Variants in SHC4 observed in about 807,000 individuals in gnomAD.
SHC4 encodes SHC adaptor protein 4, also known as SHC-transforming protein 4.
SHC4 carries 41 observed loss-of-function variants against 69.4 expected under a neutral mutation model. The observed-to-expected ratio is 0.59, with a 90% CI of 0.46 to 0.77. The LOEUF is 0.77. Ranked by LOEUF, SHC4 falls within the 30% of genes least tolerant of loss-of-function variation. The pLI, the probability that SHC4 is intolerant of heterozygous loss-of-function variation, is 0.00. For synonymous variants in SHC4, 318 were observed against 299.3 expected (o/e 1.06, Z -0.64); for missense variants, 777 against 783.8 (o/e 0.99, Z 0.10).
At chr15:48,953,919 A>G (rs1901403946) in intron 1 of SHC4, among the ~76,000 whole-genome samples, 1 of 152,214 alleles carries the variant, frequency 6.6e-6, no homozygotes, top group African/African-American at 2.4e-5. Context: ...AGTGGTGTGA[A>G]CTATAATTTT....
At chr15:48,946,744 T>C (rs1248390512) in intron 1 of SHC4, 1 of 205,964 alleles carries the variant, frequency 4.9e-6, no homozygotes, top group African/African-American at 2.4e-5. Flanking sequence ...CTAGGCACAA[T>C]GATATGGTAC....
rs777762864 is a variant in SHC4, at chr15:48,856,082, ATCT to A, written c.1110_1112del (p.Glu370del). ...CTGGAATTTCATTGTAATATTCATG[ATCT>A]TCTCTCTCCTCGGCATGGCTATCAA... On this transcript the variant is annotated inframe_deletion, in exon 8 of 12. Coordinates refer to ENST00000332408, the MANE Select transcript of SHC4 (RefSeq NM_203349.4). 5.0e-6 allele frequency: 8 copies of A among 1,613,692 alleles called. No homozygotes were observed. Among genetic ancestry groups the A allele is most frequent in the South Asian group, 4.4e-5 (4 of 91,044 alleles).
chr15:48,950,584 A>C (rs918154109), intron 1 of SHC4, among the ~76,000 whole-genome samples: 2 of 152,214 alleles, frequency 1.3e-5, no homozygotes, highest in East Asian at 3.8e-4. Context: ...AAAATGGTGC[A>C]TACTAGAGCC....
intron 8 of SHC4, among the ~76,000 whole-genome samples, chr15:48,854,577 T>A (rs2140981777): frequency 6.6e-6 from 1 of 152,294 alleles, no homozygotes; most frequent in South Asian, 2.1e-4. Context: ...TAGATGCCCA[T>A]CAATGGTGGA....
At chr15:48,889,671 C>A (rs1900097412) in intron 3 of SHC4, among the ~76,000 whole-genome samples, 1 of 152,100 alleles carries the variant, frequency 6.6e-6, no homozygotes, top group Non-Finnish European at 1.5e-5. Flanking sequence ...AGTGAAACCC[C>A]GTCTCTACTA....
At chr15:48,850,705 T>A (rs1201857552) in intron 9 of SHC4, among the ~76,000 whole-genome samples, 1 of 152,244 alleles carries the variant, frequency 6.6e-6, no homozygotes, top group Non-Finnish European at 1.5e-5. Context: ...ATAAAACATT[T>A]ACTACTCTGG....
intron 1 of SHC4, among the ~76,000 whole-genome samples, chr15:48,962,030 C>T (rs971074177): frequency 6.6e-6 from 1 of 152,200 alleles, no homozygotes; most frequent in Admixed American, 6.5e-5. Flanking sequence ...CTGTATTCAT[C>T]CAAAATACAA....
At chr15:48,853,113 C>A (rs1363766357) in intron 8 of SHC4, among the ~76,000 whole-genome samples, 2 of 151,874 alleles carry the variant, frequency 1.3e-5, no homozygotes, top group Non-Finnish European at 2.9e-5. Context: ...GCTCCTGGAA[C>A]TGATAAACTT....
At chr15:48,865,675 C>T (rs536633107) in intron 6 of SHC4, among the ~76,000 whole-genome samples, 31 of 152,320 alleles carry the variant, frequency 2.0e-4, no homozygotes, top group African/African-American at 7.0e-4. Flanking sequence ...TTCCTATACA[C>T]AGGCTGATGG....
intron 10 of SHC4, among the ~76,000 whole-genome samples, chr15:48,837,704 T>G (rs1486243254): frequency 2.0e-5 from 3 of 152,144 alleles, no homozygotes; most frequent in Non-Finnish European, 4.4e-5. Context: ...TTATAGAAGA[T>G]AGTAATCATA....
In SHC4 at chr15:48,962,836, G is replaced by T; in HGVS notation, c.180C>A (p.His60Gln). ...VGNKGSPQPPHPALAPHLPTE... is the reference protein window; with the variant it reads ...VGNKGSPQPPQPALAPHLPTE... The stretch of plus-strand genomic sequence containing the variant: ...TCGGCAGGTGAGGTGCCAGGGCGGG[G>T]TGGGGAGGCTGCGGCGAGCCCTTGT... Residue 60 changes from histidine (H) to glutamine (Q), a missense_variant, in exon 1 of 12, where the codon CAC becomes CAA. His to Gln is a conservative substitution (Grantham distance 24, BLOSUM62 0). Transcript: ENST00000332408. 4 of 1,612,858 alleles carry T rather than the reference G, an allele frequency of 2.5e-6. No homozygotes were observed. Among genetic ancestry groups the T allele is most frequent in the Non-Finnish European group, 3.4e-6 (4 of 1,180,010 alleles).
chr15:48,878,048 G>T, intron 4 of SHC4: 2 of 1,215,548 alleles, frequency 1.6e-6, no homozygotes, highest in Admixed American at 2.5e-5. Context: ...AGTAGGAGGC[G>T]GTACCTGAGG....
At chr15:48,877,103 A>G (rs1195933664) in intron 4 of SHC4, 2 of 152,562 alleles carry the variant, frequency 1.3e-5, no homozygotes, top group African/African-American at 4.8e-5. Context: ...TGAGATTGCC[A>G]CAAAAGTACT....
rs1335549148 is a variant in SHC4, at chr15:48,962,819, T to G, written c.197A>C (p.His66Pro). 1 of 1,610,604 alleles carries G rather than the reference T, an allele frequency of 6.2e-7. No individual in the cohort carries two copies. Among genetic ancestry groups the G allele is most frequent in the East Asian group, 2.2e-5 (1 of 44,770 alleles). Residue 66 changes from histidine (H) to proline (P), a missense_variant, in exon 1 of 12, where the codon CAC becomes CCC. Physicochemically the swap from His to Pro is moderately conservative, Grantham distance 77 (BLOSUM62 -2). Coordinates refer to ENST00000332408, the MANE Select transcript of SHC4 (RefSeq NM_203349.4). ...CAAGGTGGCATCTTCAGTCGGCAGGTGAGGTGCCAGGGCGGGGTGGGGAGG... is the reference window on the plus strand; with the variant it reads ...CAAGGTGGCATCTTCAGTCGGCAGGGGAGGTGCCAGGGCGGGGTGGGGAGG... Reference protein sequence around the residue: ...PQPPHPALAPHLPTEDATLPS... With the variant: ...PQPPHPALAPPLPTEDATLPS...
At chr15:48,935,696 C>A (rs1901056617) in intron 1 of SHC4, among the ~76,000 whole-genome samples, 1 of 151,972 alleles carries the variant, frequency 6.6e-6, no homozygotes, top group Admixed American at 6.6e-5. Context: ...CAAATGAAAA[C>A]CTGGGCAGGG....
At chr15:48,863,480 A>AAATT (rs10695713) in intron 6 of SHC4, among the ~76,000 whole-genome samples, 130,273 of 151,814 alleles carry the variant, frequency 0.86, 56,033 homozygotes, top group East Asian at 1. Flanking sequence ...TATGAATACT[A>AAATT]AATTTTGTCT....
rs765451440 is a variant in SHC4 at position 48,962,770 on chromosome 15, TGGGGTG to T, written c.240_245del (p.Thr81_Pro82del). 6.8e-6 allele frequency: 11 copies of T among 1,609,150 alleles called. No individual in the cohort carries two copies. In the Admixed American group the frequency reaches 8.4e-5, roughly 12 times the overall value. ...CCATGCGGGGGATCAAGGTGCACAG[TGGGGTG>T]GGGCTCTCCTGCGACGGCAAGGTGG... On this transcript the variant is annotated inframe_deletion, in exon 1 of 12. Transcript: ENST00000332408.
intron 11 of SHC4, among the ~76,000 whole-genome samples, chr15:48,826,608 A>G (rs944864562): frequency 2.0e-5 from 3 of 152,180 alleles, no homozygotes; most frequent in Non-Finnish European, 1.5e-5. Context: ...AGTTAGGAAA[A>G]TGGTAGGCAC....
chr15:48,866,088 T>G (rs976784983), intron 6 of SHC4, among the ~76,000 whole-genome samples: 1 of 152,224 alleles, frequency 6.6e-6, no homozygotes, highest in Non-Finnish European at 1.5e-5. Context: ...ATGTATTTTT[T>G]TCTTCCTTTC....
Sources: gnomAD v4.1 joint callset for allele counts (sites outside exome capture counted in the v4.1 genomes callset) on GRCh38, gnomAD v4.1.1 for gene constraint, MANE v1.5 for transcripts, NCBI Gene and HGNC (gene_info 2026-07-23, HGNC 2026-07-21) for gene names.